The following COL25A1 variants were observed in gnomAD, a reference collection of about 807,000 sequenced individuals.
The protein encoded by COL25A1 is collagen type XXV alpha 1 chain.
A neutral mutation model predicts 128.4 loss-of-function variants in COL25A1; 103 were observed. The observed-to-expected ratio is 0.80, with a 90% CI of 0.68 to 0.94. The LOEUF is 0.94. Among genes scored for constraint, COL25A1 ranks in the 40% least tolerant of loss-of-function variants. The pLI, the probability that COL25A1 is intolerant of heterozygous loss-of-function variation, is 0.00. For missense variants in COL25A1, 745 were observed against 840.0 expected (o/e 0.89, Z 1.40); for synonymous variants, 279 against 277.2 (o/e 1.01, Z -0.06).
rs138038044 is a variant in COL25A1, at chr4:108,817,310, C to T, written c.1962+87G>A. On this transcript the variant is annotated intron_variant, in intron 37 of 37. Coordinates refer to ENST00000399132, the MANE Select transcript of COL25A1 (RefSeq NM_198721.4). ...ATGAAATCTTTTGCTTTTTAATATC[C>T]GAAGGTCTTTTCTGAATGGAAAAGG... 5.7e-4 allele frequency: 681 copies of T among 1,203,092 alleles called. 6 individuals carry two copies. In the African/African-American group the frequency reaches 7.7e-3, roughly 14 times the overall value. 74.5% of individuals were successfully genotyped at this position (1,203,092 alleles called of 1,614,324 possible).
chr4:108,998,217 G>T (rs1754973848), intron 6 of COL25A1, among the ~76,000 whole-genome samples: 1 of 152,124 alleles, frequency 6.6e-6, no homozygotes, highest in Non-Finnish European at 1.5e-5. Context: ...TGTATATTTA[G>T]AAAACCCCAT....
intron 3 of COL25A1, among the ~76,000 whole-genome samples, chr4:109,287,947 T>G (rs17040263): frequency 0.081 from 12,385 of 152,102 alleles, 698 homozygotes; most frequent in East Asian, 0.23. Flanking sequence ...GAAGTATGGA[T>G]TAAAAACAAT....
intron 3 of COL25A1, among the ~76,000 whole-genome samples, chr4:109,254,213 T>A (rs975455068): frequency 1.3e-5 from 2 of 151,792 alleles, no homozygotes; most frequent in Non-Finnish European, 2.9e-5. Flanking sequence ...TGTATTGTAT[T>A]TCTTAATCAC....
At chr4:109,093,910 A>T (rs1765173507) in intron 3 of COL25A1, among the ~76,000 whole-genome samples, 2 of 152,192 alleles carry the variant, frequency 1.3e-5, no homozygotes, top group South Asian at 4.1e-4. Context: ...ACTGCAAAAA[A>T]AAAAAGTTTT....
chr4:109,228,579 T>G (rs2126217889), intron 3 of COL25A1, among the ~76,000 whole-genome samples: 1 of 152,300 alleles, frequency 6.6e-6, no homozygotes, highest in Non-Finnish European at 1.5e-5. Context: ...CAAAAGATCC[T>G]TAGACGTTTT....
At chr4:109,068,098 A>T (rs1762611740) in intron 3 of COL25A1, among the ~76,000 whole-genome samples, 1 of 152,208 alleles carries the variant, frequency 6.6e-6, no homozygotes, top group South Asian at 2.1e-4. Context: ...GCATATCTTC[A>T]GTAGCTTGGA....
Position 108,857,254 on chromosome 4 carries a change from T to A in COL25A1, c.1320+2402A>T, listed in dbSNP as rs369789355. On this transcript the variant is annotated intron_variant, in intron 24 of 37. Transcript: ENST00000399132. ...TAAGTTTTTAAAAAGTCCCTATATTTTATAAGAACTTTGAAAACAGTAGGC... is the reference window on the plus strand; with the variant it reads ...TAAGTTTTTAAAAAGTCCCTATATTATATAAGAACTTTGAAAACAGTAGGC... 8.5e-5 allele frequency among the ~76,000 whole-genome samples: 13 copies of A among 152,266 alleles called. No homozygotes were observed. In the East Asian group the frequency reaches 2.5e-3, roughly 29 times the overall value.
At chr4:108,984,301 C>A (rs1382327995) in intron 6 of COL25A1, among the ~76,000 whole-genome samples, 2 of 152,348 alleles carry the variant, frequency 1.3e-5, no homozygotes, top group Middle Eastern at 3.4e-3. Flanking sequence ...CACCTACCCA[C>A]CAGACTCAGG....
intron 6 of COL25A1, among the ~76,000 whole-genome samples, chr4:109,000,701 GTGCCAC>G (rs1755260294): frequency 8.1e-6 from 1 of 122,832 alleles, no homozygotes; most frequent in East Asian, 2.7e-4. Flanking sequence ...AGCCGATATT[GTGCCAC>G]TGCACTCCAG....
At chr4:109,007,376 T>C (rs1756123969) in intron 6 of COL25A1, among the ~76,000 whole-genome samples, 1 of 152,214 alleles carries the variant, frequency 6.6e-6, no homozygotes, top group Admixed American at 6.5e-5. Context: ...ATATGAGCAC[T>C]TAGAAATGAT....
chr4:108,818,694 G>A (rs544786886), intron 36 of COL25A1, among the ~76,000 whole-genome samples: 5 of 152,116 alleles, frequency 3.3e-5, no homozygotes, highest in Non-Finnish European at 7.4e-5. Flanking sequence ...GGTTGGGGCT[G>A]CAGACTTTTA....
intron 3 of COL25A1, among the ~76,000 whole-genome samples, chr4:109,244,518 T>C (rs1227163476): frequency 6.6e-6 from 1 of 152,172 alleles, no homozygotes; most frequent in Non-Finnish European, 1.5e-5. Context: ...ATTCAAGGCA[T>C]TTAAGTTTTA....
At chr4:109,008,721 C>T (rs1756282470) in intron 6 of COL25A1, among the ~76,000 whole-genome samples, 1 of 151,988 alleles carries the variant, frequency 6.6e-6, no homozygotes, top group Non-Finnish European at 1.5e-5. Context: ...TTTATCTCTT[C>T]TGTTTCTGTA....
intron 3 of COL25A1, among the ~76,000 whole-genome samples, chr4:109,152,721 C>A (rs961576228): frequency 2.6e-5 from 4 of 152,162 alleles, no homozygotes; most frequent in Non-Finnish European, 4.4e-5. Context: ...TACTACAACA[C>A]AGATGAAACT....
chr4:109,295,129 C>A (rs1480281393), intron 3 of COL25A1, among the ~76,000 whole-genome samples: 4 of 151,846 alleles, frequency 2.6e-5, no homozygotes, highest in Non-Finnish European at 5.9e-5. Flanking sequence ...AAGTAATTCC[C>A]AGCTCATGAA....
intron 35 of COL25A1, among the ~76,000 whole-genome samples, chr4:108,822,043 A>ATATTTTTTTTTTTTTTT (rs1731824887): frequency 1.1e-5 from 1 of 89,964 alleles, no homozygotes; most frequent in Non-Finnish European, 2.1e-5. Flanking sequence ...CCTAATGGTA[A>ATATTTTTTTTTTTTTTT]TTTTTTTTTT....
intron 32 of COL25A1, among the ~76,000 whole-genome samples, chr4:108,830,802 A>G (rs953099641): frequency 3.3e-5 from 5 of 152,286 alleles, no homozygotes; most frequent in Non-Finnish European, 7.3e-5. Context: ...GCATTCTGCC[A>G]AAACACTGCC....
intron 35 of COL25A1, among the ~76,000 whole-genome samples, chr4:108,822,043 A>ATTTTTTTTTTTTTTTTTTTTTTTTTTT (rs10567518): frequency 2.2e-5 from 2 of 89,962 alleles, no homozygotes; most frequent in Non-Finnish European, 2.1e-5. Context: ...CCTAATGGTA[A>ATTTTTTTTTTTTTTTTTTTTTTTTTTT]TTTTTTTTTT....
At chr4:109,147,046 A>G (rs1771009799) in intron 3 of COL25A1, among the ~76,000 whole-genome samples, 1 of 152,210 alleles carries the variant, frequency 6.6e-6, no homozygotes, top group Non-Finnish European at 1.5e-5. Flanking sequence ...AGTATTCTCT[A>G]TGAGAGGAGG....
Sources: allele counts gnomAD v4.1 joint callset (sites outside exome capture counted in the v4.1 genomes callset), GRCh38; gene constraint gnomAD v4.1.1; transcripts MANE v1.5; gene names NCBI Gene and HGNC (gene_info 2026-07-23, HGNC 2026-07-21).